The following PPARGC1B variants were observed in gnomAD, a reference collection of about 807,000 sequenced individuals.
PPARGC1B encodes peroxisome proliferator-activated receptor gamma coactivator 1-beta.
Under a neutral mutation model 101.6 loss-of-function variants are expected in PPARGC1B, and 34 were observed. The observed-to-expected ratio is 0.33, with a 90% CI of 0.25 to 0.45. The LOEUF is 0.45. Ranked by LOEUF, PPARGC1B falls within the 20% of genes least tolerant of loss-of-function variation. The pLI is 1.00. For missense variants in PPARGC1B, 1,234 were observed against 1,317.6 expected (o/e 0.94, Z 0.98); for synonymous variants, 548 against 539.3 (o/e 1.02, Z -0.22).
At position 149,836,308 on chromosome 5, in the gene PPARGC1B, A is replaced by T; in HGVS notation, c.1853A>T (p.Asp618Val). The T allele has an allele frequency of 6.2e-7, 1 of 1,610,400 alleles. No homozygotes were observed. The highest frequency in any genetic ancestry group is 8.5e-7 in the Non-Finnish European group (1 of 1,178,414). ...TTPPYKPTEE[D>V]PFKPDIKHSL... ...CCACCGTACAAGCCCACAGAGGAGG[A>T]TCCCTTCAAACCAGACATCAAGCAT... Residue 618 changes from aspartate (D) to valine (V), a missense_variant, in exon 8 of 12, where the codon GAT becomes GTT. This residue lies in a region of PPARGC1B where 497 missense variants were observed against 529.5 expected (regional missense o/e 0.94). Transcript: ENST00000309241.
chr5:149,834,243 G>C (rs1758950052), intron 5 of PPARGC1B, among the ~76,000 whole-genome samples: 1 of 152,228 alleles, frequency 6.6e-6, no homozygotes, highest in Admixed American at 6.5e-5. Context: ...CAGATGAACA[G>C]ATTGTCCCTA....
At chr5:149,808,998 A>T (rs1219437162) in intron 1 of PPARGC1B, among the ~76,000 whole-genome samples, 1 of 152,154 alleles carries the variant, frequency 6.6e-6, no homozygotes, top group Non-Finnish European at 1.5e-5. Flanking sequence ...AAAATGGGCC[A>T]GGCATGGTGG....
At position 149,771,393 on chromosome 5, in the gene PPARGC1B, A is replaced by G. The variant is rs1215788134; in HGVS notation, c.78+40973A>G. Among the ~76,000 whole-genome samples, 3 of 152,334 alleles carry G rather than the reference A, an allele frequency of 2.0e-5. No individual in the cohort carries two copies. The East Asian group carries it at 5.8e-4, about 29-fold the overall frequency. ...AGCCCAGGTAGGCAGGTTTCCTTAC[A>G]CAAGTGGACTCCCAGATCTGTGGGG... is the stretch of plus-strand genomic sequence containing the variant. On this transcript the variant is annotated intron_variant, in intron 1 of 11. Transcript: ENST00000309241.
In PPARGC1B at chr5:149,730,849, G is replaced by C. The variant is rs995687703; in HGVS notation, c.78+429G>C. Among the ~76,000 whole-genome samples the C allele has an allele frequency of 4.6e-5, 7 of 152,236 alleles. No homozygotes were observed. Among genetic ancestry groups the C allele is most frequent in the Admixed American group, 4.6e-4 (7 of 15,292 alleles). ...GTGGCCCCGGCACGGGTGCATGCCCGGGTCTCCGGAGTCCCCTAGTCCTCC... is the reference window on the plus strand; with the variant it reads ...GTGGCCCCGGCACGGGTGCATGCCCCGGTCTCCGGAGTCCCCTAGTCCTCC... On this transcript the variant is annotated intron_variant, in intron 1 of 11. Coordinates refer to ENST00000309241, the MANE Select transcript of PPARGC1B (RefSeq NM_133263.4). The surrounding 1 kb of genome is among the most constrained non-coding windows in gnomAD (Gnocchi z 4.0).
chr5:149,792,247 G>A (rs1225590185), intron 1 of PPARGC1B, among the ~76,000 whole-genome samples: 2 of 152,124 alleles, frequency 1.3e-5, no homozygotes, highest in Non-Finnish European at 2.9e-5. Flanking sequence ...ATAGTCCCTC[G>A]GGAGCCAGCA....
At position 149,832,314 on chromosome 5, in the gene PPARGC1B, C is replaced by T. The variant is rs1328507468; in HGVS notation, c.583-342C>T. 3.3e-5 allele frequency among the ~76,000 whole-genome samples: 5 copies of T among 152,208 alleles called. No homozygotes were observed. Among genetic ancestry groups the T allele is most frequent in the African/African-American group, 1.2e-4 (5 of 41,448 alleles). ...AGCAAGTCCTTCCTACGCCCAGCTCCAGGCTACCATGAACCTACTGCCCGG... is the reference window on the plus strand; with the variant it reads ...AGCAAGTCCTTCCTACGCCCAGCTCTAGGCTACCATGAACCTACTGCCCGG... On this transcript the variant is annotated intron_variant, in intron 4 of 11. Coordinates refer to ENST00000309241, the MANE Select transcript of PPARGC1B (RefSeq NM_133263.4). The surrounding 1 kb of genome is among the most constrained non-coding windows in gnomAD (Gnocchi z 4.9).
intron 3 of PPARGC1B, among the ~76,000 whole-genome samples, chr5:149,828,883 A>ATTT (rs201069324): frequency 6.9e-6 from 1 of 144,484 alleles, no homozygotes; most frequent in Admixed American, 6.9e-5. Context: ...CATCTCTATG[A>ATTT]TTTTTTTTTT....
intron 1 of PPARGC1B, among the ~76,000 whole-genome samples, chr5:149,782,794 G>C (rs1482271183): frequency 6.6e-6 from 1 of 152,242 alleles, no homozygotes; most frequent in African/African-American, 2.4e-5. Flanking sequence ...CGCTGCTCTA[G>C]GGTCCTGCAC....
intron 1 of PPARGC1B, among the ~76,000 whole-genome samples, chr5:149,783,754 AT>A (rs1228968946): frequency 2.0e-5 from 3 of 152,026 alleles, no homozygotes; most frequent in Non-Finnish European, 4.4e-5. Flanking sequence ...GCCCTTATTG[AT>A]TTGATGGTCT....
intron 1 of PPARGC1B, among the ~76,000 whole-genome samples, chr5:149,745,156 C>T (rs1755043083): frequency 6.6e-6 from 1 of 152,106 alleles, no homozygotes; most frequent in Non-Finnish European, 1.5e-5. Context: ...TTGCCTCGGC[C>T]TCCCAAAGTG....
At chr5:149,798,184 C>G (rs1345341369) in intron 1 of PPARGC1B, among the ~76,000 whole-genome samples, 1 of 152,230 alleles carries the variant, frequency 6.6e-6, no homozygotes, top group Non-Finnish European at 1.5e-5. Context: ...ATTCCAAAGT[C>G]AGCGTTCAGA....
chr5:149,760,876 GAA>G (rs1392903231), intron 1 of PPARGC1B, among the ~76,000 whole-genome samples: 11 of 152,182 alleles, frequency 7.2e-5, no homozygotes, highest in African/African-American at 2.2e-4. Context: ...TCATCTTGAA[GAA>G]AAGTCTCCTA....
At chr5:149,732,679 C>A (rs1199147415) in intron 1 of PPARGC1B, 1 of 386,750 alleles carries the variant, frequency 2.6e-6, no homozygotes, top group South Asian at 1.9e-5. Context: ...AGCTTTGAGC[C>A]GCCCCTAGAA....
At chr5:149,752,975 C>T (rs912566719) in intron 1 of PPARGC1B, among the ~76,000 whole-genome samples, 4 of 152,196 alleles carry the variant, frequency 2.6e-5, no homozygotes, top group Non-Finnish European at 4.4e-5. Context: ...ATGTGTTCTT[C>T]CAGAGGTAAA....
At chr5:149,806,876 G>T (rs965432979) in intron 1 of PPARGC1B, among the ~76,000 whole-genome samples, 1 of 152,042 alleles carries the variant, frequency 6.6e-6, no homozygotes, top group African/African-American at 2.4e-5. Context: ...TAAAGTGCTG[G>T]AATTATAGGC....
At chr5:149,817,808 T>C (rs1758117261) in intron 1 of PPARGC1B, 1 of 456,604 alleles carries the variant, frequency 2.2e-6, no homozygotes, top group Non-Finnish European at 4.4e-6. Context: ...GGAAAACAGT[T>C]TTCTGTTTTA....
At chr5:149,767,549 C>A (rs1047641078) in intron 1 of PPARGC1B, among the ~76,000 whole-genome samples, 1 of 152,114 alleles carries the variant, frequency 6.6e-6, no homozygotes, top group African/African-American at 2.4e-5. Context: ...GAGCATCATT[C>A]CCATTGTAGG....
chr5:149,833,713 G>A lies in PPARGC1B; in HGVS notation c.1640G>A (p.Ser547Asn), dbSNP rs1261441728. The change falls in exon 5 of 12, where the codon AGC becomes AAC. Residue 547 changes from serine to asparagine, a missense_variant. Physicochemically the swap from Ser to Asn is conservative, Grantham distance 46. Transcript: ENST00000309241. The surrounding 1 kb of genome is among the most constrained non-coding windows in gnomAD (Gnocchi z 4.1). ...GGACCCCAGATCCCTGCCCTGGAGA[G>A]CCCCTGTGAGAGTGGGTGTGGGGAC... ...LRGPQIPALE[S>N]PCESGCGDMD... is the part of the protein sequence containing the mutation. 1.9e-6 allele frequency: 3 copies of A among 1,602,150 alleles called. No homozygotes were observed. The highest frequency in any genetic ancestry group is 2.6e-6 in the Non-Finnish European group (3 of 1,176,266).
chr5:149,833,591 GC>G lies in PPARGC1B; in HGVS notation c.1521del (p.Ser508HisfsTer11). 1 of 1,604,772 alleles carries G rather than the reference GC, an allele frequency of 6.2e-7. No homozygotes were observed. The highest frequency in any genetic ancestry group is 1.7e-5 in the Admixed American group (1 of 58,878). Reference protein sequence around the residue: ...LVPSEPQGALPSLCLAPKAYD... With the variant: ...LVPSEPQGALXSLCLAPKAYD... ...TCCCCTCGGAGCCCCAAGGTGCTCT[GC>G]CCTCACTGTGCCTGGCTCCCAAGGC... is the stretch of plus-strand genomic sequence containing the variant. On this transcript the variant is annotated frameshift_variant, in exon 5 of 12. Transcript: ENST00000309241. LOFTEE classifies it high-confidence loss of function. The surrounding 1 kb of genome is among the most constrained non-coding windows in gnomAD (Gnocchi z 4.1).
Sources: gnomAD v4.1 joint callset for allele counts (sites outside exome capture counted in the v4.1 genomes callset) on GRCh38, gnomAD v4.1.1 for gene constraint, gnomAD v4.1.1 regional missense constraint, Gnocchi (gnomAD v3.1) non-coding constraint, MANE v1.5 for transcripts, NCBI Gene and HGNC (gene_info 2026-07-23, HGNC 2026-07-21) for gene names.